ARHGAP15: variants seen among roughly 807,000 people sequenced by gnomAD.
ARHGAP15 encodes rho GTPase-activating protein 15.
ARHGAP15 carries 51 observed loss-of-function variants against 63.7 expected under a neutral mutation model. The observed-to-expected ratio is 0.80, with a 90% CI of 0.64 to 1.01. The LOEUF is 1.01. ARHGAP15 is among the 50% of genes least tolerant of loss of function. The probability of loss-of-function intolerance (pLI) is 0.00; values close to 1 mark genes in which losing one functional copy is unlikely to be tolerated. For missense variants in ARHGAP15, 560 were observed against 564.6 expected, an observed-to-expected ratio of 0.99 and a Z score of 0.08; for synonymous variants, 191 against 193.8, an observed-to-expected ratio of 0.99 and a Z score of 0.12.
chr2:143,568,490 C>T (rs765697473), intron 11 of ARHGAP15, among the ~76,000 whole-genome samples: 7 of 152,066 alleles, frequency 4.6e-5, no homozygotes, highest in Admixed American at 3.9e-4. Context: ...GTTAGAATGG[C>T]GATCATTAAA....
At chr2:143,136,906 A>T (rs1019643986) in intron 1 of ARHGAP15, among the ~76,000 whole-genome samples, 1 of 152,104 alleles carries the variant, frequency 6.6e-6, no homozygotes, top group Non-Finnish European at 1.5e-5. Context: ...TAGGTACATC[A>T]GAATATCTTG....
chr2:143,723,216 T>C (rs1685138459), intron 13 of ARHGAP15, among the ~76,000 whole-genome samples: 1 of 152,222 alleles, frequency 6.6e-6, no homozygotes, highest in Non-Finnish European at 1.5e-5. Flanking sequence ...AATGTTCACA[T>C]AACTGTGAAA....
intron 6 of ARHGAP15, among the ~76,000 whole-genome samples, chr2:143,300,522 C>G (rs1308610587): frequency 6.6e-6 from 1 of 151,948 alleles, no homozygotes; most frequent in Non-Finnish European, 1.5e-5. Flanking sequence ...AACAAACATT[C>G]AGACCTGGAA....
At chr2:143,603,704 G>T (rs1697868266) in intron 11 of ARHGAP15, among the ~76,000 whole-genome samples, 1 of 152,166 alleles carries the variant, frequency 6.6e-6, no homozygotes, top group African/African-American at 2.4e-5. Context: ...GATTTAGTTT[G>T]TTTGGTGAAC....
At chr2:143,283,022 A>G (rs1166875455) in intron 6 of ARHGAP15, among the ~76,000 whole-genome samples, 3 of 152,222 alleles carry the variant, frequency 2.0e-5, no homozygotes, top group East Asian at 3.8e-4. Flanking sequence ...AGCATAGAGT[A>G]TAAATTGCCA....
chr2:143,592,885 A>ATTCT, intron 11 of ARHGAP15, among the ~76,000 whole-genome samples: 1 of 152,168 alleles, frequency 6.6e-6, no homozygotes, highest in Non-Finnish European at 1.5e-5. Context: ...TTCGAAGGGA[A>ATTCT]TTGCCTTTGG....
intron 8 of ARHGAP15, among the ~76,000 whole-genome samples, chr2:143,465,388 G>T (rs1254249737): frequency 6.6e-6 from 1 of 152,100 alleles, no homozygotes; most frequent in Non-Finnish European, 1.5e-5. Context: ...GTAAGGGTCT[G>T]GCTATTAAGA....
chr2:143,346,409 C>G (rs755726859), intron 6 of ARHGAP15, among the ~76,000 whole-genome samples: 12 of 152,036 alleles, frequency 7.9e-5, no homozygotes, highest in Non-Finnish European at 1.6e-4. Flanking sequence ...TCCCATTTCA[C>G]AAACACCACG....
intron 6 of ARHGAP15, among the ~76,000 whole-genome samples, chr2:143,369,841 C>A (rs1441883529): frequency 6.6e-6 from 1 of 151,998 alleles, no homozygotes; most frequent in Admixed American, 6.6e-5. Flanking sequence ...TTTCTTCCTC[C>A]TCCTATTATT....
rs141736638 is a variant in ARHGAP15 at position 143,388,994 on chromosome 2, G to C, written c.475-46607G>C. On this transcript the variant is annotated intron_variant, in intron 6 of 13. Coordinates refer to ENST00000295095, the MANE Select transcript of ARHGAP15 (RefSeq NM_018460.4). Reference sequence around the variant, plus strand: ...TAGTAGTTTAGATAGCTTCAGTGTAGGTAGTCCCTAAAAATATCTGGGTAG... The same window carrying C: ...TAGTAGTTTAGATAGCTTCAGTGTACGTAGTCCCTAAAAATATCTGGGTAG... 8.6e-5 allele frequency among the ~76,000 whole-genome samples: 13 copies of C among 151,674 alleles called. No individual in the cohort carries two copies. The East Asian group carries it at 2.3e-3, about 27-fold the overall frequency.
intron 6 of ARHGAP15, among the ~76,000 whole-genome samples, chr2:143,309,098 A>G (rs879583020): frequency 7.2e-5 from 11 of 152,046 alleles, no homozygotes; most frequent in Non-Finnish European, 1.5e-4. Flanking sequence ...GTTAATAGAA[A>G]AATTAGAGCG....
chr2:143,726,246 C>G lies in ARHGAP15; in HGVS notation c.1244+22722C>G, dbSNP rs550198337. ...ACAAGTCTGTGGACTGGAATGCACC[C>G]TACTTGTAATGGGAACAAAAAGCTG... On this transcript the variant is annotated intron_variant, in intron 13 of 13. Coordinates refer to ENST00000295095, the MANE Select transcript of ARHGAP15 (RefSeq NM_018460.4). Among the ~76,000 whole-genome samples the G allele has an allele frequency of 5.9e-5, 9 of 152,242 alleles. No homozygotes were observed. In the South Asian group the frequency reaches 8.3e-4, roughly 14 times the overall value.
intron 10 of ARHGAP15, among the ~76,000 whole-genome samples, chr2:143,550,124 C>T (rs1695490565): frequency 6.6e-6 from 1 of 152,108 alleles, no homozygotes; most frequent in South Asian, 2.1e-4. Context: ...TGACATTTTA[C>T]TGCTATAAGT....
chr2:143,422,448 G>C (rs1435339064), intron 6 of ARHGAP15, among the ~76,000 whole-genome samples: 1 of 152,078 alleles, frequency 6.6e-6, no homozygotes, highest in African/African-American at 2.4e-5. Flanking sequence ...AACTACTATG[G>C]AAAAGTTTGA....
intron 6 of ARHGAP15, among the ~76,000 whole-genome samples, chr2:143,256,144 T>C (rs1397764152): frequency 6.6e-6 from 1 of 152,128 alleles, no homozygotes; most frequent in Non-Finnish European, 1.5e-5. Flanking sequence ...AATGAAGCAA[T>C]CCTGTATGTT....
Position 143,768,191 on chromosome 2 carries a change from G to C in ARHGAP15, c.*19G>C. ...AGACTGACAGACAAGACAAGCTACTGAATACGTTCACATCTGTCTTGATGC... is the reference window on the plus strand; with the variant it reads ...AGACTGACAGACAAGACAAGCTACTCAATACGTTCACATCTGTCTTGATGC... On this transcript the variant is annotated 3_prime_UTR_variant, in exon 14 of 14. Transcript: ENST00000295095. 6.2e-7 allele frequency: 1 copy of C among 1,607,230 alleles called. No homozygotes were observed. The highest frequency in any genetic ancestry group is 2.2e-5 in the East Asian group (1 of 44,670).
chr2:143,554,578 G>T (rs181491687), intron 10 of ARHGAP15, among the ~76,000 whole-genome samples: 2 of 151,882 alleles, frequency 1.3e-5, no homozygotes, highest in East Asian at 1.9e-4. Flanking sequence ...AATCTATCAC[G>T]TTATTTAAAA....
chr2:143,215,304 C>T (rs1372131916), intron 3 of ARHGAP15, among the ~76,000 whole-genome samples: 1 of 152,122 alleles, frequency 6.6e-6, no homozygotes, highest in African/African-American at 2.4e-5. Context: ...GGGGTTCTTG[C>T]TATTCTGCCC....
chr2:143,611,825 A>G (rs1698265574), intron 11 of ARHGAP15, among the ~76,000 whole-genome samples: 1 of 152,218 alleles, frequency 6.6e-6, no homozygotes, highest in South Asian at 2.1e-4. Flanking sequence ...GATAACTTGC[A>G]TAACTAGCTA....
Sources: gnomAD v4.1 joint callset for allele counts (sites outside exome capture counted in the v4.1 genomes callset) on GRCh38, gnomAD v4.1.1 for gene constraint, MANE v1.5 for transcripts, NCBI Gene and HGNC (gene_info 2026-07-23, HGNC 2026-07-21) for gene names.